Variants in RNF24 observed in about 807,000 individuals in gnomAD.
The protein encoded by RNF24 is ring finger protein 24.
RNF24 carries 14 observed loss-of-function variants against 20.0 expected under a neutral mutation model. That is an observed-to-expected ratio of 0.70 (90% CI 0.46 to 1.10). The LOEUF (loss-of-function observed/expected upper bound fraction) is 1.10, where lower values mean the gene tolerates loss of function less well. RNF24 is among the 50% of genes least tolerant of loss of function. RNF24 has a pLI of 0.00. For synonymous variants in RNF24, 45 were observed against 61.1 expected (o/e 0.74, Z 1.23); for missense variants, 124 against 177.6 (o/e 0.70, Z 1.71).
intron 1 of RNF24, among the ~76,000 whole-genome samples, chr20:4,013,961 G>A (rs1342576678): frequency 6.6e-6 from 1 of 152,208 alleles, no homozygotes; most frequent in Non-Finnish European, 1.5e-5. Context: ...AAGAGCTGGT[G>A]TTATCCCAAT....
Position 3,928,672 on chromosome 20 carries a change from T to G in RNF24, c.*5391A>C, listed in dbSNP as rs1169123961. ...CCGAGGCGGGAGAATGGCGTGAACCTGGGAGGCGGAGCTTGCAGTGGGCCA... is the reference window on the plus strand; with the variant it reads ...CCGAGGCGGGAGAATGGCGTGAACCGGGGAGGCGGAGCTTGCAGTGGGCCA... On this transcript the variant is annotated 3_prime_UTR_variant, in exon 6 of 6. Coordinates refer to ENST00000358395, the MANE Select transcript of RNF24 (RefSeq NM_001134337.3). 8.0e-6 allele frequency: 1 copy of G among 125,000 alleles called. No individual in the cohort carries two copies. The highest frequency in any genetic ancestry group is 1.6e-5 in the Non-Finnish European group (1 of 62,610). 7.7% of individuals were successfully genotyped at this position (125,000 alleles called of 1,614,324 possible). A position where few individuals can be genotyped will look rare whatever the true frequency, so the allele number is the denominator to read the frequency against.
At chr20:4,012,480 T>C (rs1982542849) in intron 1 of RNF24, among the ~76,000 whole-genome samples, 1 of 151,600 alleles carries the variant, frequency 6.6e-6, no homozygotes, top group Admixed American at 6.6e-5. Flanking sequence ...GAATGCTCAA[T>C]GGAAAAATAA....
chr20:3,946,815 CCTA>C, intron 3 of RNF24, among the ~76,000 whole-genome samples: 1 of 151,988 alleles, frequency 6.6e-6, no homozygotes, highest in Non-Finnish European at 1.5e-5. Flanking sequence ...TGTGGGGTTA[CCTA>C]AGGACATCAG....
At chr20:3,941,019 C>T (rs998125024) in intron 4 of RNF24, among the ~76,000 whole-genome samples, 2 of 152,098 alleles carry the variant, frequency 1.3e-5, no homozygotes, top group Non-Finnish European at 2.9e-5. Context: ...GCTGTTCCTC[C>T]GTGAAGGTTT....
chr20:4,014,629 A>G (rs73088416), intron 1 of RNF24, among the ~76,000 whole-genome samples: 17,810 of 152,170 alleles, frequency 0.12, 1,403 homozygotes, highest in Non-Finnish European at 0.17. Flanking sequence ...AACATCAGGT[A>G]AAGAATTGGG....
In RNF24 at chr20:3,933,877, A is replaced by C; in HGVS notation, c.*186T>G. 2.2e-6 allele frequency: 1 copy of C among 447,144 alleles called. No individual in the cohort carries two copies. The highest frequency in any genetic ancestry group is 3.8e-6 in the Non-Finnish European group (1 of 264,088). 27.7% of individuals were successfully genotyped at this position (447,144 alleles called of 1,614,324 possible). On this transcript the variant is annotated 3_prime_UTR_variant, in exon 6 of 6. Coordinates refer to ENST00000358395, the MANE Select transcript of RNF24 (RefSeq NM_001134337.3). ...TTCTCTCGGCAGGGGGTAGTGTCAA[A>C]GTGCTTTGGTTGTCACAAGACCCAG...
chr20:3,949,684 A>G (rs964913500), intron 2 of RNF24, among the ~76,000 whole-genome samples: 1 of 151,480 alleles, frequency 6.6e-6, no homozygotes, highest in Non-Finnish European at 1.5e-5. Context: ...ATCCTGTCAT[A>G]AAAAAAAATA....
chr20:3,965,994 C>T (rs1368818734), intron 1 of RNF24, among the ~76,000 whole-genome samples: 1 of 151,822 alleles, frequency 6.6e-6, no homozygotes, highest in Non-Finnish European at 1.5e-5. Flanking sequence ...ATTAACTGGG[C>T]GTGGTGGCAC....
intron 1 of RNF24, among the ~76,000 whole-genome samples, chr20:4,014,739 G>GCACACACACACACA (rs146278311): frequency 8.3e-5 from 12 of 143,778 alleles, no homozygotes; most frequent in South Asian, 6.9e-4. Flanking sequence ...ACTTGAATGC[G>GCACACACACACACA]CACACACACA....
chr20:3,941,580 A>G (rs2090955806), intron 4 of RNF24, among the ~76,000 whole-genome samples: 1 of 152,170 alleles, frequency 6.6e-6, no homozygotes, highest in South Asian at 2.1e-4. Flanking sequence ...AGGAAAATAG[A>G]GAATGAAAAA....
intron 1 of RNF24, among the ~76,000 whole-genome samples, chr20:3,996,153 C>T (rs1354367263): frequency 6.6e-6 from 1 of 152,110 alleles, no homozygotes; most frequent in East Asian, 1.9e-4. Flanking sequence ...AGAGTTGGGT[C>T]TATTCTCTAC....
At chr20:3,999,234 T>C (rs1344369323) in intron 1 of RNF24, among the ~76,000 whole-genome samples, 3 of 152,132 alleles carry the variant, frequency 2.0e-5, no homozygotes, top group Non-Finnish European at 4.4e-5. Flanking sequence ...GTTACAACAG[T>C]CCTATAGAGT....
rs1454958425 is a variant in RNF24 at position 3,930,541 on chromosome 20, A to T, written c.*3522T>A. ...GGTAGCTAAGGAAGCTAAGGAAGAG[A>T]CTGAGAGGCTAACCTGCAGAAGGGC... is the stretch of plus-strand genomic sequence containing the variant. On this transcript the variant is annotated 3_prime_UTR_variant, in exon 6 of 6. Coordinates refer to ENST00000358395, the MANE Select transcript of RNF24 (RefSeq NM_001134337.3). 1 of 152,206 alleles carries T rather than the reference A, an allele frequency of 6.6e-6. No homozygotes were observed. The highest frequency in any genetic ancestry group is 1.5e-5 in the Non-Finnish European group (1 of 68,066). 9.4% of individuals were successfully genotyped at this position (152,206 alleles called of 1,614,324 possible). A position where few individuals can be genotyped will look rare whatever the true frequency, so the allele number is the denominator to read the frequency against.
rs181083890 is a variant in RNF24 at position 3,984,224 on chromosome 20, G to C, written c.-7-20200C>G. On this transcript the variant is annotated intron_variant, in intron 1 of 5. Transcript: ENST00000358395. ...CACTCCAGTTTCGGTAACAGAGCTA[G>C]ACCCTGTCTCTTAAAAAAAAAAAAG... Among the ~76,000 whole-genome samples the C allele has an allele frequency of 1.6e-3, 238 of 151,570 alleles. 1 individual carries two copies. The highest frequency in any genetic ancestry group is 5.5e-3 in the African/African-American group (228 of 41,324).
chr20:4,006,637 T>C (rs548632928), intron 1 of RNF24, among the ~76,000 whole-genome samples: 28 of 152,336 alleles, frequency 1.8e-4, no homozygotes, highest in African/African-American at 6.3e-4. Context: ...TTACATTAAA[T>C]TTCCAGAGCA....
chr20:3,975,032 C>T (rs552495794), intron 1 of RNF24, among the ~76,000 whole-genome samples: 1 of 152,122 alleles, frequency 6.6e-6, no homozygotes, highest in African/African-American at 2.4e-5. Context: ...AATCAAGACA[C>T]TGATTGGTTT....
intron 1 of RNF24, among the ~76,000 whole-genome samples, chr20:3,997,046 C>T (rs1980928517): frequency 6.6e-6 from 1 of 151,150 alleles, no homozygotes; most frequent in Non-Finnish European, 1.5e-5. Context: ...CGGTGAAACC[C>T]CATTCTCTAC....
At chr20:3,986,458 G>A (rs1358714585) in intron 1 of RNF24, among the ~76,000 whole-genome samples, 3 of 151,916 alleles carry the variant, frequency 2.0e-5, no homozygotes, top group Non-Finnish European at 4.4e-5. Context: ...GTTTAACCAT[G>A]TTGCCCAGGT....
At chr20:3,944,568 GTT>G (rs1421234573) in intron 4 of RNF24, among the ~76,000 whole-genome samples, 2 of 152,150 alleles carry the variant, frequency 1.3e-5, no homozygotes, top group Admixed American at 6.6e-5. Context: ...AATTCTGAAA[GTT>G]TGTAGTCAGA....
Sources: gnomAD v4.1 joint callset for allele counts (sites outside exome capture counted in the v4.1 genomes callset) on GRCh38, gnomAD v4.1.1 for gene constraint, MANE v1.5 for transcripts, NCBI Gene and HGNC (gene_info 2026-07-23, HGNC 2026-07-21) for gene names.